CNNM4: variants seen among roughly 807,000 people sequenced by gnomAD.
The protein encoded by CNNM4 is cyclin and CBS domain divalent metal cation transport mediator 4.
Under a neutral mutation model 53.7 loss-of-function variants are expected in CNNM4, and 32 were observed. The ratio of observed to expected loss-of-function variants is 0.60; its 90% CI spans 0.45 to 0.80. The LOEUF (loss-of-function observed/expected upper bound fraction) is 0.80, where lower values mean the gene tolerates loss of function less well. Ranked by LOEUF, CNNM4 falls within the 30% of genes least tolerant of loss-of-function variation. The pLI is 0.00. For missense variants in CNNM4, 784 were observed against 1,022.0 expected (o/e 0.77, Z 3.17); for synonymous variants, 410 against 440.0 (o/e 0.93, Z 0.85).
At chr2:96,764,155 G>A (rs963124416) in intron 1 of CNNM4, among the ~76,000 whole-genome samples, 8 of 152,178 alleles carry the variant, frequency 5.3e-5, no homozygotes, top group African/African-American at 1.9e-4. Context: ...GATCCAACCA[G>A]TATGGATTGG....
intron 5 of CNNM4, among the ~76,000 whole-genome samples, chr2:96,805,011 A>G (rs1251045968): frequency 5.3e-5 from 8 of 152,196 alleles, no homozygotes; most frequent in Non-Finnish European, 8.8e-5. Flanking sequence ...AATAAAATAA[A>G]TTCAGTTGAA....
intron 1 of CNNM4, among the ~76,000 whole-genome samples, chr2:96,782,167 G>C (rs371438686): frequency 6.6e-6 from 1 of 152,240 alleles, no homozygotes; most frequent in East Asian, 1.9e-4. Context: ...TCGGCCAGGC[G>C]TGGTGGCTCA....
chr2:96,790,896 G>C (rs951013172), intron 1 of CNNM4, among the ~76,000 whole-genome samples: 1 of 151,376 alleles, frequency 6.6e-6, no homozygotes, highest in African/African-American at 2.4e-5. Flanking sequence ...GAGGCGGGTG[G>C]ATCACCTGAG....
At chr2:96,807,747 G>C (rs2079222509) in intron 5 of CNNM4, among the ~76,000 whole-genome samples, 1 of 151,970 alleles carries the variant, frequency 6.6e-6, no homozygotes, top group African/African-American at 2.4e-5. Context: ...AAGAAAAGGT[G>C]TGACGGGGCA....
chr2:96,761,665 C>G lies in CNNM4; in HGVS notation c.666C>G (p.Thr222=). ...TGCGCATCGTGCAGAACTGTGGCAC[C>G]GAGAAGGAGAGGCGCTATGCCCGCA... ...MELRIVQNCG[T]EKERRYARKI... Residue 222 remains threonine (T), a synonymous_variant, in exon 1 of 7, where the codon ACC becomes ACG. Coordinates refer to ENST00000377075, the MANE Select transcript of CNNM4 (RefSeq NM_020184.4). This position sits in a 1 kb window ranked among gnomAD's most constrained non-coding sequence, Gnocchi z 6.0. 6.2e-7 allele frequency: 1 copy of G among 1,611,618 alleles called. No individual in the cohort carries two copies. Among genetic ancestry groups the G allele is most frequent in the Non-Finnish European group, 8.5e-7 (1 of 1,180,028 alleles).
intron 1 of CNNM4, among the ~76,000 whole-genome samples, chr2:96,768,914 G>A (rs2078842181): frequency 6.6e-6 from 1 of 152,178 alleles, no homozygotes; most frequent in Non-Finnish European, 1.5e-5. Context: ...AAATGCCCAC[G>A]TGAGGCTGAG....
intron 5 of CNNM4, among the ~76,000 whole-genome samples, chr2:96,806,535 A>ACACACACGCG (rs374638753): frequency 5.2e-4 from 65 of 123,998 alleles, no homozygotes; most frequent in Middle Eastern, 4.2e-3. Flanking sequence ...ACACACACAC[A>ACACACACGCG]CGCGCGCGCG....
rs768413195 is a variant in CNNM4, at chr2:96,761,359, G to T, written c.360G>T (p.Leu120=). ...CCAAGGACCTGGTCGTCCAGCAGCTGGTCAACGTGAGCCGCGGGAACACGT... is the reference window on the plus strand; with the variant it reads ...CCAAGGACCTGGTCGTCCAGCAGCTTGTCAACGTGAGCCGCGGGAACACGT... ...ELTKDLVVQQ[L]VNVSRGNTSG... The change falls in exon 1 of 7, where the codon CTG becomes CTT. Residue 120 remains leucine (L), a synonymous_variant. Coordinates refer to ENST00000377075, the MANE Select transcript of CNNM4 (RefSeq NM_020184.4). This position sits in a 1 kb window ranked among gnomAD's most constrained non-coding sequence, Gnocchi z 6.0. 6.2e-7 allele frequency: 1 copy of T among 1,614,090 alleles called. No homozygotes were observed.
chr2:96,809,459 C>T lies in CNNM4; in HGVS notation c.2270C>T (p.Thr757Ile). The T allele has an allele frequency of 6.2e-7, 1 of 1,614,232 alleles. No homozygotes were observed. Reference sequence around the variant, plus strand: ...CTGCCTGTGGTGGACGAGACCACAACTCTTCTCAACGAGCGTAACTCCTTG... The same window carrying T: ...CTGCCTGTGGTGGACGAGACCACAATTCTTCTCAACGAGCGTAACTCCTTG... The part of the protein sequence containing the change: ...SELPVVDETT[T>I]LLNERNSLLH... Residue 757 changes from threonine to isoleucine, a missense_variant, in exon 7 of 7, where the codon ACT (threonine) becomes ATT (isoleucine). Around this residue, in one of 3 missense-constraint regions of CNNM4, gnomAD observed 307 missense variants for 376.3 expected, o/e 0.82. Transcript: ENST00000377075.
In CNNM4 at chr2:96,787,707, A is replaced by T. The variant is rs540526644; in HGVS notation, c.1403-9305A>T. On this transcript the variant is annotated intron_variant, in intron 1 of 6. Coordinates refer to ENST00000377075, the MANE Select transcript of CNNM4 (RefSeq NM_020184.4). ...ACCTCATCTCTACAAAATTTTTTTT[A>T]AAAATTAGCTGAGCTTAGTGGCATG... Among the ~76,000 whole-genome samples, 231 of 152,138 alleles carry T rather than the reference A, an allele frequency of 1.5e-3. 1 individual carries two copies. Among genetic ancestry groups the T allele is most frequent in the Middle Eastern group, 3.4e-3 (1 of 294 alleles).
chr2:96,797,464 T>C lies in CNNM4; in HGVS notation c.1547-49T>C. 6.2e-7 allele frequency: 1 copy of C among 1,609,864 alleles called. No homozygotes were observed. The highest frequency in any genetic ancestry group is 8.5e-7 in the Non-Finnish European group (1 of 1,179,884). The stretch of plus-strand genomic sequence containing the variant: ...TGCGGGGCGGGTTCCAGTCTCTTCC[T>C]AAGTCCTCAGGGGTCTGTGTTCTCA... On this transcript the variant is annotated intron_variant, in intron 2 of 6. Coordinates refer to ENST00000377075, the MANE Select transcript of CNNM4 (RefSeq NM_020184.4). The surrounding 1 kb of genome is among the most constrained non-coding windows in gnomAD (Gnocchi z 6.0).
At chr2:96,792,375 G>A (rs983514880) in intron 1 of CNNM4, among the ~76,000 whole-genome samples, 12 of 152,070 alleles carry the variant, frequency 7.9e-5, no homozygotes, top group Admixed American at 2.6e-4. Flanking sequence ...AATAATTTCC[G>A]AAGTATAGAA....
At chr2:96,773,841 T>TA (rs572771462) in intron 1 of CNNM4, among the ~76,000 whole-genome samples, 2,330 of 103,286 alleles carry the variant, frequency 0.023, 21 homozygotes, top group African/African-American at 0.026. Context: ...AGACTCCATC[T>TA]AAAAAAAAAA....
At chr2:96,807,596 G>A (rs182025282) in intron 5 of CNNM4, among the ~76,000 whole-genome samples, 4 of 151,930 alleles carry the variant, frequency 2.6e-5, no homozygotes, top group Admixed American at 6.6e-5. Flanking sequence ...TTATCCAGGC[G>A]TGGTGTTGGG....
At chr2:96,799,696 T>C in intron 5 of CNNM4, 48 bp downstream of exon 5, 1 of 1,400,262 alleles carries the variant, frequency 7.1e-7, no homozygotes, top group Non-Finnish European at 9.9e-7. Context: ...CCCCTGCAGC[T>C]GGGGAGCCAT....
At chr2:96,771,468 G>A (rs907528854) in intron 1 of CNNM4, among the ~76,000 whole-genome samples, 1 of 152,102 alleles carries the variant, frequency 6.6e-6, no homozygotes, top group African/African-American at 2.4e-5. Context: ...ACTTTGGGAG[G>A]CCGAGGCGGG....
At position 96,808,432 on chromosome 2, in the gene CNNM4, T is replaced by C. The variant is rs1325282104; in HGVS notation, c.1949-129T>C. 4.6e-6 allele frequency: 4 copies of C among 868,578 alleles called. No individual in the cohort carries two copies. 53.8% of individuals were successfully genotyped at this position (868,578 alleles called of 1,614,324 possible). On this transcript the variant is annotated intron_variant, in intron 5 of 6. Coordinates refer to ENST00000377075, the MANE Select transcript of CNNM4 (RefSeq NM_020184.4). The surrounding 1 kb of genome is among the most constrained non-coding windows in gnomAD (Gnocchi z 4.9). ...AGTCAGACCTTCTACATGCTTCTGT[T>C]TGTCCCTAAGAATGACTTCCTGTTC...
At chr2:96,778,518 C>T (rs1337099164) in intron 1 of CNNM4, among the ~76,000 whole-genome samples, 3 of 150,014 alleles carry the variant, frequency 2.0e-5, no homozygotes, top group Non-Finnish European at 1.5e-5. Context: ...GATGGCACCA[C>T]TGCACTCCAG....
At chr2:96,771,556 C>T (rs975476549) in intron 1 of CNNM4, among the ~76,000 whole-genome samples, 1 of 151,712 alleles carries the variant, frequency 6.6e-6, no homozygotes, top group African/African-American at 2.4e-5. Flanking sequence ...TAGACAAATA[C>T]AAAAAATTTT....
Sources: allele counts gnomAD v4.1 joint callset (sites outside exome capture counted in the v4.1 genomes callset), GRCh38; gene constraint gnomAD v4.1.1; regional missense constraint gnomAD v4.1.1; non-coding constraint Gnocchi (gnomAD v3.1); transcripts MANE v1.5; gene names NCBI Gene and HGNC (gene_info 2026-07-23, HGNC 2026-07-21).